The following BORCS5 variants were observed in gnomAD, a reference collection of about 807,000 sequenced individuals.
BORCS5 encodes the protein BLOC-1 related complex subunit 5, also known as BLOC-1-related complex subunit 5.
A neutral mutation model predicts 22.1 loss-of-function variants in BORCS5; 17 were observed. That is an observed-to-expected ratio of 0.77 (90% CI 0.53 to 1.15). The LOEUF is 1.15. BORCS5 is among the 50% of genes most tolerant of loss of function. The pLI is 0.00. For missense variants in BORCS5, 247 were observed against 253.2 expected, an observed-to-expected ratio of 0.98 and a Z score of 0.17; for synonymous variants, 117 against 99.8, an observed-to-expected ratio of 1.17 and a Z score of -1.03.
chr12:12,448,755 C>A (rs1942841605), intron 3 of BORCS5, among the ~76,000 whole-genome samples: 2 of 151,810 alleles, frequency 1.3e-5, no homozygotes, highest in South Asian at 4.2e-4. Context: ...TCTCAAACTC[C>A]TGACCTAGTG....
chr12:12,403,003 A>G (rs1011475210), intron 2 of BORCS5, among the ~76,000 whole-genome samples: 1 of 152,148 alleles, frequency 6.6e-6, no homozygotes, highest in Non-Finnish European at 1.5e-5. Flanking sequence ...TAGAAATTGA[A>G]TAGAAGCAGT....
intron 2 of BORCS5, among the ~76,000 whole-genome samples, chr12:12,362,381 C>T (rs1460782715): frequency 1.3e-5 from 2 of 152,144 alleles, no homozygotes; most frequent in African/African-American, 4.8e-5. Context: ...ACCAGTGCTT[C>T]ATCTGTTTCA....
chr12:12,430,052 G>A (rs1942381715), intron 2 of BORCS5, among the ~76,000 whole-genome samples: 1 of 152,004 alleles, frequency 6.6e-6, no homozygotes, highest in Admixed American at 6.6e-5. Context: ...TTATGTACTA[G>A]GTGCTCTACT....
At chr12:12,453,808 ACT>A (rs2136150122) in intron 3 of BORCS5, among the ~76,000 whole-genome samples, 1 of 151,556 alleles carries the variant, frequency 6.6e-6, no homozygotes, top group South Asian at 2.1e-4. Flanking sequence ...CTAGAATGAA[ACT>A]CTATGTACAT....
At chr12:12,382,668 G>A (rs1863800263) in intron 2 of BORCS5, among the ~76,000 whole-genome samples, 2 of 150,762 alleles carry the variant, frequency 1.3e-5, no homozygotes, top group Non-Finnish European at 3.0e-5. Context: ...AAGTAGCTGG[G>A]ATTACAGGCG....
chr12:12,423,684 C>T (rs201556715), intron 2 of BORCS5, among the ~76,000 whole-genome samples: 2,001 of 93,708 alleles, frequency 0.021, 42 homozygotes, highest in African/African-American at 0.084. Flanking sequence ...TCAAATTTCT[C>T]GTTGTCTTTT....
At chr12:12,428,488 A>C (rs1942344042) in intron 2 of BORCS5, among the ~76,000 whole-genome samples, 1 of 152,234 alleles carries the variant, frequency 6.6e-6, no homozygotes, top group Non-Finnish European at 1.5e-5. Flanking sequence ...ACCATTTGCA[A>C]ACCTAACCCT....
At chr12:12,447,982 G>A (rs970367465) in intron 3 of BORCS5, among the ~76,000 whole-genome samples, 1 of 152,248 alleles carries the variant, frequency 6.6e-6, no homozygotes, top group East Asian at 1.9e-4. Flanking sequence ...CAATAATGTT[G>A]CAGCTGTCGT....
At chr12:12,455,756 G>A (rs940845162) in intron 3 of BORCS5, among the ~76,000 whole-genome samples, 5 of 149,046 alleles carry the variant, frequency 3.4e-5, no homozygotes, top group African/African-American at 1.3e-4. Flanking sequence ...TGCAGCATGG[G>A]CAACAGAGTG....
rs183400839 is a variant in BORCS5 at position 12,374,347 on chromosome 12, T to C, written c.202+12998T>C. Among the ~76,000 whole-genome samples the C allele has an allele frequency of 5.3e-5, 8 of 152,088 alleles. No individual in the cohort carries two copies. In the East Asian group the frequency reaches 1.5e-3, roughly 29 times the overall value. ...TATATTTTAAAACATATTTAAAAGA[T>C]GCTGGCCAGTCACAGTGGCTCATGC... On this transcript the variant is annotated intron_variant, in intron 2 of 3. Coordinates refer to ENST00000314565, the MANE Select transcript of BORCS5 (RefSeq NM_058169.6).
intron 2 of BORCS5, among the ~76,000 whole-genome samples, chr12:12,388,633 TGAAAG>T (rs1236329391): frequency 6.8e-6 from 1 of 147,944 alleles, no homozygotes; most frequent in Non-Finnish European, 1.5e-5. Context: ...GAATAATTAA[TGAAAG>T]GAAACCAGAC....
intron 2 of BORCS5, among the ~76,000 whole-genome samples, chr12:12,404,727 C>A (rs929759644): frequency 6.6e-6 from 1 of 152,162 alleles, no homozygotes; most frequent in Non-Finnish European, 1.5e-5. Flanking sequence ...TTTTGTGACA[C>A]AGTCTCTGTT....
intron 2 of BORCS5, among the ~76,000 whole-genome samples, chr12:12,368,280 TG>T (rs1175743218): frequency 6.0e-5 from 9 of 151,102 alleles, no homozygotes; most frequent in Non-Finnish European, 1.0e-4. Context: ...TATTCTGTTT[TG>T]TTTTTTTTTT....
At chr12:12,391,125 A>G (rs1941171522) in intron 2 of BORCS5, among the ~76,000 whole-genome samples, 1 of 152,030 alleles carries the variant, frequency 6.6e-6, no homozygotes, top group Non-Finnish European at 1.5e-5. Context: ...GTTTTGTCAC[A>G]CTAAAAATTT....
chr12:12,459,022 A>G (rs1943053414), intron 3 of BORCS5, among the ~76,000 whole-genome samples: 1 of 151,934 alleles, frequency 6.6e-6, no homozygotes. Flanking sequence ...TAGCCTCCCA[A>G]GTAGCTGGGA....
chr12:12,422,344 T>G (rs1162958457), intron 2 of BORCS5, among the ~76,000 whole-genome samples: 1 of 152,036 alleles, frequency 6.6e-6, no homozygotes, highest in African/African-American at 2.4e-5. Flanking sequence ...CCGGATGCGG[T>G]GGCTCACGCA....
chr12:12,468,611 C>G lies in BORCS5; in HGVS notation c.*2835C>G, dbSNP rs776870560. On this transcript the variant is annotated 3_prime_UTR_variant, in exon 4 of 4. Transcript: ENST00000314565. ...TACAATGAGCGTGTTTACCTTTTGT[C>G]TCTGAGCAGTGGCCCTGGGTCTTGG... The G allele has an allele frequency of 2.6e-5, 4 of 152,230 alleles. No homozygotes were observed. Among genetic ancestry groups the G allele is most frequent in the African/African-American group, 4.8e-5 (2 of 41,442 alleles). The allele number at this position is 152,230 out of a possible 1,614,324, so 9.4% of individuals were successfully genotyped here. A position where few individuals can be genotyped will look rare whatever the true frequency, so the allele number is the denominator to read the frequency against.
At chr12:12,390,063 A>C (rs1941133362) in intron 2 of BORCS5, among the ~76,000 whole-genome samples, 1 of 152,158 alleles carries the variant, frequency 6.6e-6, no homozygotes. Flanking sequence ...CTATCTGATA[A>C]AAAGCCATCT....
chr12:12,423,036 CTG>C (rs1329864860), intron 2 of BORCS5, among the ~76,000 whole-genome samples: 1 of 151,468 alleles, frequency 6.6e-6, no homozygotes. Context: ...GAGTCTCACT[CTG>C]TCACCTAGGC....
Sources: gnomAD v4.1 joint callset for allele counts (sites outside exome capture counted in the v4.1 genomes callset) on GRCh38, gnomAD v4.1.1 for gene constraint, MANE v1.5 for transcripts, NCBI Gene and HGNC (gene_info 2026-07-23, HGNC 2026-07-21) for gene names.